KCNC3: variants seen among roughly 807,000 people sequenced by gnomAD.
The protein encoded by KCNC3 is potassium voltage-gated channel subfamily C member 3.
A neutral mutation model predicts 43.9 loss-of-function variants in KCNC3; 22 were observed. That is an observed-to-expected ratio of 0.50 (90% CI 0.36 to 0.72). The LOEUF is 0.72. KCNC3 is among the 30% of genes least tolerant of loss of function. The pLI is 0.00. For synonymous variants in KCNC3, 492 were observed against 488.0 expected, an observed-to-expected ratio of 1.01 and a Z score of -0.11; for missense variants, 829 against 1,073.8, an observed-to-expected ratio of 0.77 and a Z score of 3.19.
chr19:50,317,366 A>G (rs2036971212), intron 4 of KCNC3, among the ~76,000 whole-genome samples: 1 of 152,048 alleles, frequency 6.6e-6, no homozygotes, highest in Non-Finnish European at 1.5e-5. Flanking sequence ...TGTGAAACAC[A>G]GGGGTTTAGG....
Position 50,324,567 on chromosome 19 carries a change from C to T in KCNC3, c.871-485G>A, listed in dbSNP as rs375401830. ...GAGAAGGCGGGCAGGGAGGCAGAATCGTGAGGTGGTTAAGAGTCGGCGAGC... is the reference window on the plus strand; with the variant it reads ...GAGAAGGCGGGCAGGGAGGCAGAATTGTGAGGTGGTTAAGAGTCGGCGAGC... On this transcript the variant is annotated intron_variant, in intron 1 of 4. Coordinates refer to ENST00000477616, the MANE Select transcript of KCNC3 (RefSeq NM_004977.3). The surrounding 1 kb of genome is among the most constrained non-coding windows in gnomAD (Gnocchi z 4.1). Among the ~76,000 whole-genome samples the T allele has an allele frequency of 4.3e-3, 649 of 152,228 alleles. 8 individuals are homozygous for T. The highest frequency in any genetic ancestry group is 6.8e-3 in the Middle Eastern group (2 of 294).
intron 2 of KCNC3, among the ~76,000 whole-genome samples, chr19:50,322,483 C>T (rs968488937): frequency 3.9e-5 from 6 of 152,106 alleles, no homozygotes; most frequent in African/African-American, 1.2e-4. Flanking sequence ...CCCCCACCTC[C>T]GCCCAAAATC....
In KCNC3 at chr19:50,328,967, TGCG is replaced by T; in HGVS notation, c.113_115del (p.Pro38del). The T allele has an allele frequency of 1.0e-6, 1 of 970,910 alleles. No homozygotes were observed. Among genetic ancestry groups the T allele is most frequent in the Non-Finnish European group, 1.3e-6 (1 of 774,992 alleles). The allele number at this position is 970,910 out of a possible 1,614,324, so 60.1% of individuals were successfully genotyped here. On this transcript the variant is annotated inframe_deletion, in exon 1 of 5. Transcript: ENST00000477616. ...GCCGGGCTGCGCAGGCTGCTGCTGC[TGCG>T]GCGGCAGCGGTGGCGGCGGCGGGGA...
In KCNC3 at chr19:50,320,574, A is replaced by C; in HGVS notation, c.2170+19T>G. 1 of 1,604,894 alleles carries C rather than the reference A, an allele frequency of 6.2e-7. No individual in the cohort carries two copies. Among genetic ancestry groups the C allele is most frequent in the Non-Finnish European group, 8.5e-7 (1 of 1,176,054 alleles). The stretch of plus-strand genomic sequence containing the variant: ...GAGAGAGGGAGGGTCCCAGGGGATC[A>C]GTAGGGGGGGCACCTCACCTTTTCG... On this transcript the variant is annotated intron_variant, in intron 3 of 4. Transcript: ENST00000477616.
At position 50,323,693 on chromosome 19, in the gene KCNC3, G is replaced by T. The variant is rs115066106; in HGVS notation, c.1260C>A (p.Arg420=). The T allele has an allele frequency of 1.2e-6, 2 of 1,614,098 alleles. No homozygotes were observed. Among genetic ancestry groups the T allele is most frequent in the Non-Finnish European group, 1.7e-6 (2 of 1,180,064 alleles). ...GGGTCAGCTTGAAGATGCGCAGGAT[G>T]CGGACGAAGCGGACCACCCGCAGGA... is the stretch of plus-strand genomic sequence containing the variant. ...LGFLRVVRFV[R]ILRIFKLTRH... The change falls in exon 2 of 5, where the codon CGC becomes CGA. Residue 420 remains arginine, a synonymous_variant. Transcript: ENST00000477616.
At chr19:50,322,904 C>G (rs1293689128) in intron 2 of KCNC3, 71 bp downstream of exon 2, 2 of 1,482,098 alleles carry the variant, frequency 1.3e-6, no homozygotes, top group Non-Finnish European at 1.8e-6. Flanking sequence ...GTTCTCTGAA[C>G]CCCGGCAGCT....
chr19:50,326,022 A>G (rs891426585), intron 1 of KCNC3, among the ~76,000 whole-genome samples: 2 of 151,742 alleles, frequency 1.3e-5, no homozygotes, highest in African/African-American at 4.9e-5. Context: ...AAGGGGTAGG[A>G]GGGCATGGAG....
intron 1 of KCNC3, among the ~76,000 whole-genome samples, chr19:50,325,901 C>T (rs906771716): frequency 6.6e-6 from 1 of 151,986 alleles, no homozygotes; most frequent in Non-Finnish European, 1.5e-5. Flanking sequence ...TAATTAACTC[C>T]TTCCCTCCCA....
At chr19:50,319,599 T>C (rs1432025126) in intron 4 of KCNC3, among the ~76,000 whole-genome samples, 1 of 152,170 alleles carries the variant, frequency 6.6e-6, no homozygotes, top group Non-Finnish European at 1.5e-5. Flanking sequence ...ATATCGAGTC[T>C]TCCCTGATGC....
chr19:50,314,271 T>G lies in KCNC3; in HGVS notation c.*1844A>C, dbSNP rs1473696484. 1 of 137,098 alleles carries G rather than the reference T, an allele frequency of 7.3e-6. No homozygotes were observed. The highest frequency in any genetic ancestry group is 8.1e-5 in the Admixed American group (1 of 12,414). 8.5% of individuals were successfully genotyped at this position (137,098 alleles called of 1,614,324 possible). On this transcript the variant is annotated 3_prime_UTR_variant, in exon 5 of 5. Coordinates refer to ENST00000477616, the MANE Select transcript of KCNC3 (RefSeq NM_004977.3). ...AACTCCGATCTGGGGCTTGGGTAAC[T>G]GTTCCTCCTTCCCCTACACTGTTTC...
intron 1 of KCNC3, among the ~76,000 whole-genome samples, chr19:50,327,798 G>T (rs1056986307): frequency 5.9e-5 from 9 of 151,922 alleles, no homozygotes; most frequent in African/African-American, 2.2e-4. Context: ...AGGGCTGGAC[G>T]GTGACCAAGA....
rs2037054822 is a variant in KCNC3 at position 50,323,095 on chromosome 19, G to A, written c.1858C>T (p.His620Tyr). Residue 620 changes from histidine (H) to tyrosine (Y), a missense_variant, in exon 2 of 5, where the codon CAC becomes TAC. Physicochemically the swap from His to Tyr is moderately conservative, Grantham distance 83. Coordinates refer to ENST00000477616, the MANE Select transcript of KCNC3 (RefSeq NM_004977.3). Reference protein sequence around the residue: ...AGAYPAGPHTHPGLLRGGAGG... With the variant: ...AGAYPAGPHTYPGLLRGGAGG... ...GCTCCCCCCCTGAGCAGCCCGGGGT[G>A]CGTGTGGGGCCCCGCTGGGTAGGCC... 2 of 1,540,116 alleles carry A rather than the reference G, an allele frequency of 1.3e-6. No homozygotes were observed. Among genetic ancestry groups the A allele is most frequent in the Admixed American group, 2.0e-5 (1 of 50,846 alleles).
At chr19:50,325,613 T>C (rs1272335249) in intron 1 of KCNC3, among the ~76,000 whole-genome samples, 2 of 152,042 alleles carry the variant, frequency 1.3e-5, no homozygotes, top group East Asian at 3.9e-4. Context: ...TTCGCTTCTC[T>C]GCAGTGGTTT....
In KCNC3 at chr19:50,328,831, ACCG is replaced by A; in HGVS notation, c.249_251del (p.Gly85del). The A allele has an allele frequency of 2.0e-6, 3 of 1,490,142 alleles. No homozygotes were observed. Among genetic ancestry groups the A allele is most frequent in the Non-Finnish European group, 2.7e-6 (3 of 1,125,366 alleles). 92.3% of individuals were successfully genotyped at this position (1,490,142 alleles called of 1,614,324 possible). ...TGATCACGATCTTGCCGCTGTCGCC[ACCG>A]CCGCCGCCGTGCCGCCCCATGGCCG... On this transcript the variant is annotated inframe_deletion, in exon 1 of 5. Transcript: ENST00000477616.
chr19:50,323,035 G>A lies in KCNC3; in HGVS notation c.1918C>T (p.Pro640Ser), dbSNP rs1254800581. 1.9e-6 allele frequency: 3 copies of A among 1,544,184 alleles called. No homozygotes were observed. The highest frequency in any genetic ancestry group is 2.6e-6 in the Non-Finnish European group (3 of 1,144,740). Residue 640 changes from proline (P) to serine (S), a missense_variant, in exon 2 of 5, where the codon CCA (proline) becomes TCA (serine). This residue lies in a region of KCNC3 where 308 missense variants were observed against 276.2 expected (regional missense o/e 1.11). Transcript: ENST00000477616. The stretch of plus-strand genomic sequence containing the variant: ...AACGGGCAAGGCTCGCCGGGGGCTG[G>A]CAGAGGAGGCAGCCCCATGATCCCC... ...GLGIMGLPPL[P>S]APGEPCPLAQ...
intron 4 of KCNC3, among the ~76,000 whole-genome samples, chr19:50,317,849 G>A (rs1303924734): frequency 1.3e-5 from 2 of 152,186 alleles, no homozygotes; most frequent in Non-Finnish European, 2.9e-5. Flanking sequence ...CCAGGCTGGA[G>A]CACCATGGCA....
chr19:50,325,729 C>CG (rs1006067809), intron 1 of KCNC3, among the ~76,000 whole-genome samples: 1 of 151,916 alleles, frequency 6.6e-6, no homozygotes, highest in South Asian at 2.1e-4. Context: ...CCAGCCGGGC[C>CG]GGGGGGCGGG....
At chr19:50,318,991 C>CAAAA (rs11326559) in intron 4 of KCNC3, among the ~76,000 whole-genome samples, 53 of 71,396 alleles carry the variant, frequency 7.4e-4, no homozygotes, top group Middle Eastern at 0.01. Flanking sequence ...AAGACAGTCT[C>CAAAA]AAAAAAAAAA....
chr19:50,319,593 C>T (rs754123766), intron 4 of KCNC3, among the ~76,000 whole-genome samples: 18 of 152,166 alleles, frequency 1.2e-4, no homozygotes, highest in Non-Finnish European at 2.4e-4. Flanking sequence ...CTGCAGATAT[C>T]GAGTCTTCCC....
Sources: allele counts gnomAD v4.1 joint callset (sites outside exome capture counted in the v4.1 genomes callset), GRCh38; gene constraint gnomAD v4.1.1; regional missense constraint gnomAD v4.1.1; non-coding constraint Gnocchi (gnomAD v3.1); transcripts MANE v1.5; gene names NCBI Gene and HGNC (gene_info 2026-07-23, HGNC 2026-07-21).